Variants in TRRAP observed in about 807,000 individuals in gnomAD.
TRRAP encodes transformation/transcription domain-associated protein.
A neutral mutation model predicts 438.8 loss-of-function variants in TRRAP; 41 were observed. The observed-to-expected ratio is 0.09, with a 90% CI of 0.07 to 0.12. The LOEUF (loss-of-function observed/expected upper bound fraction) is 0.12, where lower values mean the gene tolerates loss of function less well. Among genes scored for constraint, TRRAP ranks in the 10% least tolerant of loss-of-function variants. The pLI is 1.00. For synonymous variants in TRRAP, 1,994 were observed against 1,962.9 expected, an observed-to-expected ratio of 1.02 and a Z score of -0.42; for missense variants, 3,122 against 5,055.1, an observed-to-expected ratio of 0.62 and a Z score of 11.60.
chr7:99,005,335 C>G lies in TRRAP; in HGVS notation c.10740C>G (p.His3580Gln). ...AGAGAAAGGAGACCACCAAGAGGCACTTGTTTTTCACAGGTAGGGTTGAGA... is the reference window on the plus strand; with the variant it reads ...AGAGAAAGGAGACCACCAAGAGGCAGTTGTTTTTCACAGGTAGGGTTGAGA... ...LEKRKETTKR[H>Q]LFFTVPRVVA... is the part of the protein sequence containing the mutation. The change falls in exon 69 of 73, where the codon CAC becomes CAG. Residue 3580 changes from histidine to glutamine, a missense_variant. By Grantham distance (24) the His-to-Gln change is conservative. This residue lies in a region of TRRAP where 95 missense variants were observed against 144.1 expected (regional missense o/e 0.66). Transcript: ENST00000456197. This position sits in a 1 kb window ranked among gnomAD's most constrained non-coding sequence, Gnocchi z 5.1. 6.2e-7 allele frequency: 1 copy of G among 1,614,026 alleles called. No homozygotes were observed. Among genetic ancestry groups the G allele is most frequent in the Non-Finnish European group, 8.5e-7 (1 of 1,180,036 alleles).
Position 98,994,458 on chromosome 7 carries a change from G to T in TRRAP, c.10048-129G>T. On this transcript the variant is annotated intron_variant, in intron 66 of 72. Coordinates refer to ENST00000456197, the MANE Select transcript of TRRAP (RefSeq NM_001375524.1). This position sits in a 1 kb window ranked among gnomAD's most constrained non-coding sequence, Gnocchi z 4.8. ...CACACGCCGATTTCATGCCTGCTGTGTGTGGGTCCTGCCGGGGAGTGCAGA... is the reference window on the plus strand; with the variant it reads ...CACACGCCGATTTCATGCCTGCTGTTTGTGGGTCCTGCCGGGGAGTGCAGA... 1 of 1,339,974 alleles carries T rather than the reference G, an allele frequency of 7.5e-7. No individual in the cohort carries two copies. Among genetic ancestry groups the T allele is most frequent in the South Asian group, 1.4e-5 (1 of 72,962 alleles). The allele number at this position is 1,339,974 out of a possible 1,614,324, so 83.0% of individuals were successfully genotyped here.
chr7:98,925,396 A>T, intron 22 of TRRAP, 133 bp downstream of exon 22: 1 of 1,272,562 alleles, frequency 7.9e-7, no homozygotes, highest in Non-Finnish European at 1.1e-6. Flanking sequence ...TTATCTACCT[A>T]CTCCTTCTTG....
At chr7:98,933,153 G>C in intron 26 of TRRAP, 88 bp from the exon 27 acceptor site, 1 of 1,445,026 alleles carries the variant, frequency 6.9e-7, no homozygotes, top group Admixed American at 2.4e-5. Context: ...AATAACTTTG[G>C]ATCTCAAACA....
chr7:98,995,437 C>T (rs1246238682), intron 67 of TRRAP, among the ~76,000 whole-genome samples: 1 of 152,062 alleles, frequency 6.6e-6, no homozygotes, highest in African/African-American at 2.4e-5. Context: ...CCTGCAGCGA[C>T]GAGCTAAGTG....
At chr7:98,946,026 G>C (rs1791042365) in intron 33 of TRRAP, 76 bp downstream of exon 33, 5 of 1,346,646 alleles carry the variant, frequency 3.7e-6, no homozygotes, top group Non-Finnish European at 4.8e-6. Flanking sequence ...GCTGTGTCGT[G>C]GTTCTGTACT....
At chr7:98,973,596 T>G (rs1322970637) in intron 53 of TRRAP, among the ~76,000 whole-genome samples, 2 of 152,164 alleles carry the variant, frequency 1.3e-5, no homozygotes, top group Non-Finnish European at 2.9e-5. Context: ...GTGGCTGAAA[T>G]CTCGGCAGAT....
At chr7:98,933,791 T>C (rs1790433449) in intron 27 of TRRAP, among the ~76,000 whole-genome samples, 1 of 152,214 alleles carries the variant, frequency 6.6e-6, no homozygotes, top group Non-Finnish European at 1.5e-5. Flanking sequence ...TGCCATGTGC[T>C]GTTGAGAACA....
chr7:99,003,412 A>G (rs1562981053), intron 67 of TRRAP, among the ~76,000 whole-genome samples: 2 of 152,272 alleles, frequency 1.3e-5, no homozygotes, highest in East Asian at 3.9e-4. Flanking sequence ...TTTGATTACA[A>G]TATCAGCTTT....
chr7:99,004,402 A>G lies in TRRAP; in HGVS notation c.10522A>G (p.Ile3508Val). 2 of 1,613,762 alleles carry G rather than the reference A, an allele frequency of 1.2e-6. No homozygotes were observed. The highest frequency in any genetic ancestry group is 1.7e-6 in the Non-Finnish European group (2 of 1,179,824). Residue 3508 changes from isoleucine to valine, a missense_variant, in exon 68 of 73, where the codon ATC becomes GTC. This residue lies in a region of TRRAP where 95 missense variants were observed against 144.1 expected (regional missense o/e 0.66). Coordinates refer to ENST00000456197, the MANE Select transcript of TRRAP (RefSeq NM_001375524.1). ...FLMPKPTHYY[I>V]KIARFMPRVE... ...GATGCCAAAGCCAACGCATTATTAC[A>G]TCAAGATTGCACGGTGAGTGGGCCA...
chr7:98,972,419 C>T (rs185353532), intron 53 of TRRAP, among the ~76,000 whole-genome samples: 13 of 152,226 alleles, frequency 8.5e-5, no homozygotes, highest in South Asian at 4.1e-4. Context: ...ACGGTAAAAC[C>T]GTGTACAAAA....
rs1378552227 is a variant in TRRAP, at chr7:98,908,512, A to G, written c.1116-216A>G. The stretch of plus-strand genomic sequence containing the variant: ...TAACTTTATGACGTGCACAAAGTTA[A>G]CCTTTTAGCTTGGAAGGTAAAGATG... On this transcript the variant is annotated intron_variant, in intron 13 of 72. Transcript: ENST00000456197. This position sits in a 1 kb window ranked among gnomAD's most constrained non-coding sequence, Gnocchi z 4.1. 1.3e-5 allele frequency among the ~76,000 whole-genome samples: 2 copies of G among 152,340 alleles called. 1 individual carries two copies. Among genetic ancestry groups the G allele is most frequent in the South Asian group, 4.1e-4 (2 of 4,828 alleles).
At position 98,912,049 on chromosome 7, in the gene TRRAP, C is replaced by T. The variant is rs1554408871; in HGVS notation, c.2035C>T (p.Pro679Ser). ...QIVANSFLAN[P>S]TTSALFATIL... is the part of the protein sequence containing the mutation. ...TGTTGCCAATTCCTTCTTGGCAAATCCTACTACCTCTGCTCTGTTTGCTAC... is the reference window on the plus strand; with the variant it reads ...TGTTGCCAATTCCTTCTTGGCAAATTCTACTACCTCTGCTCTGTTTGCTAC... Residue 679 changes from proline to serine, a missense_variant, in exon 18 of 73, where the codon CCT becomes TCT. By Grantham distance (74) the Pro-to-Ser change is moderately conservative. Transcript: ENST00000456197. The T allele has an allele frequency of 6.2e-7, 1 of 1,613,476 alleles. No individual in the cohort carries two copies.
In TRRAP at chr7:98,929,976, T is replaced by A. The variant is rs781842692; in HGVS notation, c.3176-13T>A. On this transcript the variant is annotated splice_polypyrimidine_tract_variant and intron_variant, in intron 23 of 72. Coordinates refer to ENST00000456197, the MANE Select transcript of TRRAP (RefSeq NM_001375524.1). ...AAGACTGTTCTCACGTGCCTTCCCA[T>A]CTCTCCTTTTAGGCCCTTTCTTGCT... The A allele has an allele frequency of 6.2e-7, 1 of 1,613,486 alleles. No homozygotes were observed. The highest frequency in any genetic ancestry group is 1.1e-5 in the South Asian group (1 of 91,062).
chr7:98,895,764 A>AT lies in TRRAP; in HGVS notation c.453dup (p.His152SerfsTer23). The stretch of plus-strand genomic sequence containing the variant: ...TAACGAAAGTGTCTGCTTTTTTTAG[A>AT]TTCATCATTTTCTGGATTTTGTGAA... On this transcript the variant is annotated frameshift_variant and splice_region_variant, in exon 7 of 73. Transcript: ENST00000456197. LOFTEE classifies it high-confidence loss of function. The AT allele has an allele frequency of 6.2e-7, 1 of 1,601,434 alleles. No individual in the cohort carries two copies. Among genetic ancestry groups the AT allele is most frequent in the Non-Finnish European group, 8.5e-7 (1 of 1,174,682 alleles).
intron 18 of TRRAP, among the ~76,000 whole-genome samples, chr7:98,913,339 G>GCC (rs1554409060): frequency 1.3e-5 from 2 of 151,806 alleles, no homozygotes; most frequent in African/African-American, 4.8e-5. Flanking sequence ...ACCCAGGCTG[G>GCC]AGTGCAGTGG....
At chr7:99,010,969 A>G in intron 70 of TRRAP, 83 bp from the exon 71 acceptor site, 2 of 1,382,254 alleles carry the variant, frequency 1.4e-6, no homozygotes, top group Non-Finnish European at 2.0e-6. Flanking sequence ...GCTAAGTTAA[A>G]GAGGAATTGC....
intron 46 of TRRAP, 97 bp downstream of exon 46, chr7:98,961,571 G>A (rs193121442): frequency 5.6e-5 from 80 of 1,416,438 alleles, no homozygotes; most frequent in South Asian, 4.9e-4. Context: ...TGTGTCGAGC[G>A]CTTTGTTATC....
chr7:98,995,855 C>A (rs988653711), intron 67 of TRRAP, among the ~76,000 whole-genome samples: 5 of 151,018 alleles, frequency 3.3e-5, no homozygotes, highest in Non-Finnish European at 7.4e-5. Context: ...CACCTACATC[C>A]CATTTACACA....
chr7:98,956,450 T>C lies in TRRAP; in HGVS notation c.6148T>C (p.Ser2050Pro). The C allele has an allele frequency of 6.2e-7, 1 of 1,614,216 alleles. No individual in the cohort carries two copies. Among genetic ancestry groups the C allele is most frequent in the East Asian group, 2.2e-5 (1 of 44,880 alleles). The change falls in exon 43 of 73, where the codon TCA (serine) becomes CCA (proline). Residue 2050 changes from serine to proline, a missense_variant. Transcript: ENST00000456197. This position sits in a 1 kb window ranked among gnomAD's most constrained non-coding sequence, Gnocchi z 4.5. ...CAGTGGAGAAGGAGTCAATTCTGTC[T>C]CATCCTCCATTAAGAGAGGCCTGTC... ...NSSGEGVNSV[S>P]SSIKRGLSVD...
Sources: allele counts gnomAD v4.1 joint callset (sites outside exome capture counted in the v4.1 genomes callset), GRCh38; gene constraint gnomAD v4.1.1; regional missense constraint gnomAD v4.1.1; non-coding constraint Gnocchi (gnomAD v3.1); transcripts MANE v1.5; gene names NCBI Gene and HGNC (gene_info 2026-07-23, HGNC 2026-07-21).